DNAAF4: variants seen among roughly 807,000 people sequenced by gnomAD.
DNAAF4 encodes dynein axonemal assembly factor 4, also known as dynein assembly factor 4, axonemal.
In DNAAF4, 43 loss-of-function variants were observed where a neutral mutation model predicts 51.8. The observed-to-expected ratio is 0.83, with a 90% confidence interval of 0.65 to 1.07. DNAAF4 has a LOEUF of 1.07. Ranked by LOEUF, DNAAF4 falls within the 50% of genes least tolerant of loss-of-function variation. The probability of loss-of-function intolerance (pLI) is 0.00; values close to 1 mark genes in which losing one functional copy is unlikely to be tolerated. For missense variants in DNAAF4, 581 were observed against 493.0 expected (o/e 1.18, Z -1.69); for synonymous variants, 194 against 165.6 (o/e 1.17, Z -1.32).
chr15:55,479,395 T>G (rs1262966437), intron 4 of DNAAF4, among the ~76,000 whole-genome samples: 1 of 152,084 alleles, frequency 6.6e-6, no homozygotes, highest in Non-Finnish European at 1.5e-5. Flanking sequence ...TTTAATCTCT[T>G]AATCCTGTTA....
chr15:55,461,262 G>GT (rs1423588358), intron 5 of DNAAF4, among the ~76,000 whole-genome samples: 1 of 151,632 alleles, frequency 6.6e-6, no homozygotes, highest in Admixed American at 6.6e-5. Flanking sequence ...TAGAGATGGG[G>GT]TTTCACCGTG....
At position 55,467,150 on chromosome 15, in the gene DNAAF4, T is replaced by C. The variant is rs1402067957; in HGVS notation, c.417A>G (p.Glu139=). Residue 139 remains glutamate (E), a synonymous_variant, in exon 5 of 10, where the codon GAA becomes GAG. Coordinates refer to ENST00000321149, the MANE Select transcript of DNAAF4 (RefSeq NM_130810.4). Reference sequence around the variant, plus strand: ...TCATATCTTCTATTTTTTTCCTCTCTTCTTCTTCAATCTATAACAATTGCA... The same window carrying C: ...TCATATCTTCTATTTTTTTCCTCTCCTCTTCTTCAATCTATAACAATTGCA... ...ALSVMMKIEE[E]ERKKIEDMKE... 7.8e-6 allele frequency: 12 copies of C among 1,539,980 alleles called. No individual in the cohort carries two copies. Among genetic ancestry groups the C allele is most frequent in the Non-Finnish European group, 1.0e-5 (12 of 1,145,258 alleles).
intron 5 of DNAAF4, among the ~76,000 whole-genome samples, chr15:55,457,398 G>A (rs980131025): frequency 6.6e-6 from 1 of 152,080 alleles, no homozygotes; most frequent in Admixed American, 6.6e-5. Flanking sequence ...GCCACAGCAA[G>A]CCCCACCCAA....
At chr15:55,477,413 C>G (rs2058350332) in intron 4 of DNAAF4, among the ~76,000 whole-genome samples, 1 of 151,840 alleles carries the variant, frequency 6.6e-6, no homozygotes, top group Non-Finnish European at 1.5e-5. Flanking sequence ...AATCATAACA[C>G]ATATTGTTGG....
intron 6 of DNAAF4, among the ~76,000 whole-genome samples, chr15:55,446,310 A>AGGG (rs2057812958): frequency 5.9e-5 from 2 of 34,116 alleles, no homozygotes; most frequent in Non-Finnish European, 9.0e-5. Flanking sequence ...GGGGGGGGGC[A>AGGG]GCTGGGCAGA....
chr15:55,492,450 A>G (rs2058587958), intron 3 of DNAAF4, among the ~76,000 whole-genome samples: 1 of 152,168 alleles, frequency 6.6e-6, no homozygotes, highest in South Asian at 2.1e-4. Context: ...TCCTTTCACA[A>G]TGTTTTAAAA....
At chr15:55,460,179 A>G (rs1376240003) in intron 5 of DNAAF4, among the ~76,000 whole-genome samples, 1 of 123,792 alleles carries the variant, frequency 8.1e-6, no homozygotes, top group Non-Finnish European at 1.9e-5. Context: ...TTATTTACTT[A>G]TTTATTTATT....
intron 4 of DNAAF4, among the ~76,000 whole-genome samples, chr15:55,486,843 T>A (rs2058496716): frequency 6.6e-6 from 1 of 151,954 alleles, no homozygotes; most frequent in Non-Finnish European, 1.5e-5. Context: ...ACCAGAAAAC[T>A]GCTCCATCAT....
chr15:55,466,983 A>G lies in DNAAF4; in HGVS notation c.584T>C (p.Ile195Thr). 1.3e-6 allele frequency: 2 copies of G among 1,582,600 alleles called. No individual in the cohort carries two copies. The highest frequency in any genetic ancestry group is 3.4e-4 in the Middle Eastern group (2 of 5,838). ...ATTTCTAGTAAGACTCTTATATTTT[A>G]TTTTTTTTCTTTCTTCTTTAATTTG... The part of the protein sequence containing the change: ...EKQIKEERKK[I>T]KYKSLTRNLA... Residue 195 changes from isoleucine (I) to threonine (T), a missense_variant, in exon 5 of 10, where the codon ATA (isoleucine) becomes ACA (threonine). Ile to Thr is a moderately conservative substitution (Grantham distance 89). Coordinates refer to ENST00000321149, the MANE Select transcript of DNAAF4 (RefSeq NM_130810.4).
At chr15:55,435,865 C>T (rs765286690) in intron 7 of DNAAF4, among the ~76,000 whole-genome samples, 36 of 152,048 alleles carry the variant, frequency 2.4e-4, no homozygotes, top group Non-Finnish European at 4.1e-4. Flanking sequence ...CTTGGCTCAC[C>T]GCAACCTCTG....
rs2057478748 is a variant in DNAAF4 at position 55,430,726 on chromosome 15, G to C, written c.1207C>G (p.Gln403Glu). 1.2e-6 allele frequency: 2 copies of C among 1,613,134 alleles called. No individual in the cohort carries two copies. Among genetic ancestry groups the C allele is most frequent in the Non-Finnish European group, 1.7e-6 (2 of 1,179,586 alleles). Residue 403 changes from glutamine (Q) to glutamate (E), a missense_variant, in exon 10 of 10, where the codon CAA becomes GAA. Transcript: ENST00000321149. ...LKIDPSNKIVQIDAEKIRNVI... is the reference protein window; with the variant it reads ...LKIDPSNKIVEIDAEKIRNVI... ...TTCCGAATCTTCTCAGCATCAATTT[G>C]TACAATTTTGTTGGATGGATCAATC...
At chr15:55,454,983 T>A (rs1419414849) in intron 5 of DNAAF4, among the ~76,000 whole-genome samples, 1 of 151,534 alleles carries the variant, frequency 6.6e-6, no homozygotes, top group African/African-American at 2.4e-5. Flanking sequence ...TATATAATTA[T>A]AGATAAAGTA....
chr15:55,437,810 G>C (rs2057639976), intron 7 of DNAAF4, among the ~76,000 whole-genome samples: 1 of 152,134 alleles, frequency 6.6e-6, no homozygotes, highest in Non-Finnish European at 1.5e-5. Flanking sequence ...TTTTCTCCTA[G>C]AGCCTTCAAA....
chr15:55,455,576 C>T (rs564441083), intron 5 of DNAAF4, among the ~76,000 whole-genome samples: 84 of 151,828 alleles, frequency 5.5e-4, no homozygotes, highest in African/African-American at 1.7e-3. Flanking sequence ...GGACTACAGG[C>T]GCATGCCACC....
intron 7 of DNAAF4, among the ~76,000 whole-genome samples, chr15:55,424,912 C>G (rs971567899): frequency 2.0e-5 from 3 of 150,726 alleles, no homozygotes; most frequent in Non-Finnish European, 4.4e-5. Flanking sequence ...GCCCAGGCTG[C>G]TGGAGTGCAA....
At chr15:55,484,650 G>GAT (rs1567029320) in intron 4 of DNAAF4, among the ~76,000 whole-genome samples, 1 of 152,018 alleles carries the variant, frequency 6.6e-6, no homozygotes, top group Non-Finnish European at 1.5e-5. Flanking sequence ...AGTATAGATA[G>GAT]ATATATATAA....
intron 1 of DNAAF4, among the ~76,000 whole-genome samples, chr15:55,501,316 C>T (rs1374856760): frequency 1.3e-5 from 2 of 151,094 alleles, no homozygotes; most frequent in Admixed American, 1.3e-4. Context: ...CCCACCTCGG[C>T]CTCCCAAAGT....
intron 4 of DNAAF4, among the ~76,000 whole-genome samples, chr15:55,487,035 T>C (rs529352802): frequency 2.9e-4 from 44 of 152,330 alleles, no homozygotes; most frequent in African/African-American, 9.6e-4. Context: ...TACACTTTTG[T>C]GGAAAATCCC....
rs114072088 is a variant in DNAAF4 at position 55,471,495 on chromosome 15, G to A, written c.406-4334C>T. Among the ~76,000 whole-genome samples, 1,188 of 151,872 alleles carry A rather than the reference G, an allele frequency of 7.8e-3. 13 individuals are homozygous for A. The highest frequency in any genetic ancestry group is 0.024 in the African/African-American group (997 of 41,464). On this transcript the variant is annotated intron_variant, in intron 4 of 9. Transcript: ENST00000321149. ...TATATATTTTTTATGATGTCATAAA[G>A]AGATGGACAAATGTTAAACTTTTTT...
Sources: gnomAD v4.1 joint callset for allele counts (sites outside exome capture counted in the v4.1 genomes callset) on GRCh38, gnomAD v4.1.1 for gene constraint, MANE v1.5 for transcripts, NCBI Gene and HGNC (gene_info 2026-07-23, HGNC 2026-07-21) for gene names.